PSD3: variants seen among roughly 807,000 people sequenced by gnomAD.
PSD3 encodes PH and SEC7 domain-containing protein 3.
A neutral mutation model predicts 105.5 loss-of-function variants in PSD3; 49 were observed. The observed-to-expected ratio is 0.46, with a 90% CI of 0.37 to 0.59. PSD3 has a LOEUF of 0.59. PSD3 is among the 20% of genes least tolerant of loss of function. The pLI is 0.00. For synonymous variants in PSD3, 557 were observed against 457.8 expected (o/e 1.22, Z -2.77); for missense variants, 1,561 against 1,263.8 (o/e 1.24, Z -3.57).
chr8:18,601,802 T>C (rs906386944), intron 11 of PSD3, among the ~76,000 whole-genome samples: 2 of 152,170 alleles, frequency 1.3e-5, no homozygotes, highest in African/African-American at 4.8e-5. Flanking sequence ...TCAATAGATG[T>C]GAAATTCTGA....
At chr8:18,801,801 C>G in intron 6 of PSD3, among the ~76,000 whole-genome samples, 1 of 151,882 alleles carries the variant, frequency 6.6e-6, no homozygotes, top group Non-Finnish European at 1.5e-5. Flanking sequence ...ACACTCCAGC[C>G]TAGGCGACAG....
At position 18,575,157 on chromosome 8, in the gene PSD3, G is replaced by C. The variant is rs372273053; in HGVS notation, c.2610C>G (p.Ala870=). The C allele has an allele frequency of 6.2e-7, 1 of 1,613,236 alleles. No homozygotes were observed. The highest frequency in any genetic ancestry group is 8.5e-7 in the Non-Finnish European group (1 of 1,179,654). Residue 870 remains alanine (A), a synonymous_variant, in exon 13 of 16, where the codon GCC becomes GCG. Transcript: ENST00000327040. ...TTTGAAAAAGCAAGACCCTCCAGTC[G>C]GCAGTTTTAAGTTTAAACACGTTTG... ...KKPNVFKLKT[A]DWRVLLFQTQ...
intron 10 of PSD3, among the ~76,000 whole-genome samples, chr8:18,637,424 T>A (rs150268657): frequency 4.4e-3 from 671 of 152,308 alleles, no homozygotes; most frequent in Non-Finnish European, 6.0e-3. Flanking sequence ...CAATGCCAAA[T>A]GGAACAGTCT....
At chr8:18,881,231 A>C (rs1194417531) in intron 2 of PSD3, among the ~76,000 whole-genome samples, 1 of 152,216 alleles carries the variant, frequency 6.6e-6, no homozygotes, top group Non-Finnish European at 1.5e-5. Flanking sequence ...AATGAGATAC[A>C]TTTGAATGTT....
rs769749916 is a variant in PSD3 at position 18,801,316 on chromosome 8, G to A, written c.1977C>T (p.Phe659=). The change falls in exon 7 of 16, where the codon TTC becomes TTT. Residue 659 remains phenylalanine, a synonymous_variant. Transcript: ENST00000327040. ...TQERERVLIH[F]SNRYFYCNPD... ...GGTTACAATAAAAATATCTATTGGA[G>A]AAGTGTATTAAAACTCTCTCTCGTT... 8.7e-6 allele frequency: 14 copies of A among 1,607,456 alleles called. No homozygotes were observed. In the East Asian group the frequency reaches 2.9e-4, roughly 33 times the overall value.
chr8:18,895,545 G>A (rs937700929), intron 2 of PSD3, among the ~76,000 whole-genome samples: 4 of 152,112 alleles, frequency 2.6e-5, no homozygotes, highest in African/African-American at 9.7e-5. Flanking sequence ...CTCAACACTG[G>A]TTCATATCTT....
intron 15 of PSD3, among the ~76,000 whole-genome samples, chr8:18,539,713 A>C (rs940942837): frequency 3.3e-5 from 5 of 151,672 alleles, no homozygotes; most frequent in Admixed American, 3.3e-4. Flanking sequence ...AAGCCCGACT[A>C]ATTTTTTTTG....
chr8:18,970,324 CAAAA>C (rs11450922), intron 1 of PSD3, among the ~76,000 whole-genome samples: 21 of 45,306 alleles, frequency 4.6e-4, no homozygotes, highest in African/African-American at 1.8e-3. Context: ...GACTCTGCCT[CAAAA>C]AAAAAAAAAA....
At chr8:18,842,108 A>C (rs1009606749) in intron 4 of PSD3, among the ~76,000 whole-genome samples, 2 of 152,170 alleles carry the variant, frequency 1.3e-5, no homozygotes, top group Non-Finnish European at 1.5e-5. Context: ...GAATACCAAG[A>C]AGCAAAAAGT....
chr8:19,045,331 A>C (rs1031567201), intron 1 of PSD3, among the ~76,000 whole-genome samples: 9 of 152,234 alleles, frequency 5.9e-5, no homozygotes, highest in African/African-American at 2.2e-4. Context: ...ATATGAAACC[A>C]AGAGATTCAC....
chr8:18,608,078 G>A (rs559071550), intron 11 of PSD3, among the ~76,000 whole-genome samples: 2 of 152,126 alleles, frequency 1.3e-5, no homozygotes, highest in Admixed American at 6.5e-5. Flanking sequence ...CATATCACCA[G>A]GCATGCTGAT....
intron 4 of PSD3, among the ~76,000 whole-genome samples, chr8:18,861,611 G>A (rs1306775186): frequency 1.3e-5 from 2 of 152,114 alleles, no homozygotes; most frequent in Non-Finnish European, 2.9e-5. Context: ...ACCCATGCTT[G>A]AACTCTCACA....
chr8:18,729,542 A>G (rs1803574869), intron 9 of PSD3, among the ~76,000 whole-genome samples: 1 of 152,226 alleles, frequency 6.6e-6, no homozygotes, highest in African/African-American at 2.4e-5. Flanking sequence ...CATAAAACGA[A>G]TAAACAAAAG....
chr8:18,932,919 T>A (rs1821836656), intron 2 of PSD3, among the ~76,000 whole-genome samples: 1 of 152,196 alleles, frequency 6.6e-6, no homozygotes, highest in African/African-American at 2.4e-5. Flanking sequence ...AACTTCCACC[T>A]CCTCCATGAA....
intron 1 of PSD3, among the ~76,000 whole-genome samples, chr8:19,033,416 C>T (rs565272528): frequency 1.8e-4 from 27 of 152,086 alleles, no homozygotes; most frequent in South Asian, 4.1e-4. Flanking sequence ...TTTTATTTTT[C>T]GAAGTTTACT....
At chr8:18,909,789 T>C (rs1287382246) in intron 2 of PSD3, among the ~76,000 whole-genome samples, 1 of 152,230 alleles carries the variant, frequency 6.6e-6, no homozygotes, top group Non-Finnish European at 1.5e-5. Flanking sequence ...AGTCCTGTAG[T>C]TGTTTTTAAA....
chr8:19,027,082 C>T (rs941011766), intron 1 of PSD3, among the ~76,000 whole-genome samples: 2 of 152,036 alleles, frequency 1.3e-5, no homozygotes, highest in African/African-American at 4.8e-5. Context: ...TCTCATTGCA[C>T]AATACACGCA....
intron 9 of PSD3, among the ~76,000 whole-genome samples, chr8:18,689,888 T>C (rs1170858833): frequency 6.6e-6 from 1 of 152,220 alleles, no homozygotes; most frequent in Admixed American, 6.5e-5. Context: ...CTTCATTCTA[T>C]AGATGACTCC....
intron 1 of PSD3, among the ~76,000 whole-genome samples, chr8:19,061,868 C>T (rs998640191): frequency 7.2e-5 from 11 of 152,094 alleles, no homozygotes; most frequent in African/African-American, 2.7e-4. Flanking sequence ...AGAATGTTCT[C>T]CTTCTTCTTC....
Sources: allele counts gnomAD v4.1 joint callset (sites outside exome capture counted in the v4.1 genomes callset), GRCh38; gene constraint gnomAD v4.1.1; transcripts MANE v1.5; gene names NCBI Gene and HGNC (gene_info 2026-07-23, HGNC 2026-07-21).